KCND2: variants seen among roughly 807,000 people sequenced by gnomAD.
The protein encoded by KCND2 is potassium voltage-gated channel subfamily D member 2.
In KCND2, 16 loss-of-function variants were observed where a neutral mutation model predicts 54.4. The ratio of observed to expected loss-of-function variants is 0.29; its 90% CI spans 0.20 to 0.45. KCND2 has a LOEUF of 0.45. KCND2 is among the 20% of genes least tolerant of loss of function. The pLI is 1.00. For synonymous variants in KCND2, 317 were observed against 310.7 expected (o/e 1.02, Z -0.21); for missense variants, 486 against 824.2 (o/e 0.59, Z 5.02).
intron 1 of KCND2, among the ~76,000 whole-genome samples, chr7:120,397,298 C>T (rs1237163997): frequency 6.6e-6 from 1 of 151,978 alleles, no homozygotes; most frequent in Admixed American, 6.6e-5. Flanking sequence ...AATATTTCTA[C>T]AGTCCCTGGT....
chr7:120,696,728 C>T (rs1792337267), intron 1 of KCND2, among the ~76,000 whole-genome samples: 1 of 152,176 alleles, frequency 6.6e-6, no homozygotes, highest in South Asian at 2.1e-4. Flanking sequence ...CTCTCTTGCT[C>T]TTGCGTTTTC....
chr7:120,715,172 A>G (rs1404810201), intron 1 of KCND2, among the ~76,000 whole-genome samples: 2 of 151,930 alleles, frequency 1.3e-5, no homozygotes, highest in African/African-American at 4.8e-5. Context: ...TGCACATGGC[A>G]GGGATTTGGC....
At chr7:120,323,432 C>T (rs1383739326) in intron 1 of KCND2, among the ~76,000 whole-genome samples, 1 of 151,788 alleles carries the variant, frequency 6.6e-6, no homozygotes. Context: ...GTATCTCCCA[C>T]TGCTATCCCT....
intron 1 of KCND2, among the ~76,000 whole-genome samples, chr7:120,496,716 G>T (rs1462783034): frequency 6.6e-6 from 1 of 152,144 alleles, no homozygotes; most frequent in African/African-American, 2.4e-5. Flanking sequence ...GAGCCACCGT[G>T]CCCGGCCTTC....
chr7:120,543,151 A>G (rs947693965), intron 1 of KCND2, among the ~76,000 whole-genome samples: 2 of 152,002 alleles, frequency 1.3e-5, no homozygotes, highest in Non-Finnish European at 2.9e-5. Context: ...CTCAAAATAT[A>G]TATATATATA....
chr7:120,395,084 A>C (rs942423394), intron 1 of KCND2, among the ~76,000 whole-genome samples: 1 of 151,954 alleles, frequency 6.6e-6, no homozygotes, highest in Non-Finnish European at 1.5e-5. Flanking sequence ...ATATTTAGCC[A>C]TGAAGAAGTT....
chr7:120,511,535 A>AC (rs1803115223), intron 1 of KCND2, among the ~76,000 whole-genome samples: 1 of 152,124 alleles, frequency 6.6e-6, no homozygotes, highest in African/African-American at 2.4e-5. Flanking sequence ...TACATGCAAT[A>AC]ATTGTTTTTA....
At chr7:120,615,187 A>G (rs1476533165) in intron 1 of KCND2, among the ~76,000 whole-genome samples, 1 of 152,182 alleles carries the variant, frequency 6.6e-6, no homozygotes, top group African/African-American at 2.4e-5. Flanking sequence ...GCTTCAAGGA[A>G]ATGCTTGCTC....
intron 1 of KCND2, among the ~76,000 whole-genome samples, chr7:120,320,372 A>G (rs1049426391): frequency 1.3e-5 from 2 of 152,050 alleles, no homozygotes; most frequent in Non-Finnish European, 2.9e-5. Flanking sequence ...TGGAATGGGC[A>G]CCCAGGGACT....
At chr7:120,588,862 G>A (rs1046762442) in intron 1 of KCND2, among the ~76,000 whole-genome samples, 2 of 152,152 alleles carry the variant, frequency 1.3e-5, no homozygotes, top group African/African-American at 4.8e-5. Context: ...TTGTCCACCT[G>A]CCCATCTGAC....
intron 1 of KCND2, among the ~76,000 whole-genome samples, chr7:120,468,631 T>A (rs1210946291): frequency 1.3e-5 from 2 of 152,164 alleles, no homozygotes; most frequent in Non-Finnish European, 2.9e-5. Flanking sequence ...TAATGGATAT[T>A]TAAAAGGCCA....
chr7:120,554,710 G>T (rs936088502), intron 1 of KCND2, among the ~76,000 whole-genome samples: 2 of 152,116 alleles, frequency 1.3e-5, no homozygotes, highest in African/African-American at 4.8e-5. Flanking sequence ...GCCTGGCCGA[G>T]AATTTACATT....
intron 1 of KCND2, among the ~76,000 whole-genome samples, chr7:120,420,571 G>C (rs2116132767): frequency 6.6e-6 from 1 of 152,224 alleles, no homozygotes; most frequent in South Asian, 2.1e-4. Context: ...GTGCTTACTT[G>C]TCAAGAACAG....
chr7:120,464,781 C>T (rs956667807), intron 1 of KCND2, among the ~76,000 whole-genome samples: 1 of 152,146 alleles, frequency 6.6e-6, no homozygotes, highest in African/African-American at 2.4e-5. Flanking sequence ...CTTTCTGCTC[C>T]TGGAAGCCAC....
At chr7:120,351,512 G>A (rs1326829629) in intron 1 of KCND2, among the ~76,000 whole-genome samples, 1 of 150,970 alleles carries the variant, frequency 6.6e-6, no homozygotes, top group Non-Finnish European at 1.5e-5. Context: ...TGTGCACCAG[G>A]AAGAAGCATG....
intron 1 of KCND2, among the ~76,000 whole-genome samples, chr7:120,293,078 T>C (rs1799458756): frequency 6.6e-6 from 1 of 151,982 alleles, no homozygotes; most frequent in East Asian, 1.9e-4. Context: ...TGTTCTCTCC[T>C]TTCTTTATAC....
intron 1 of KCND2, among the ~76,000 whole-genome samples, chr7:120,359,569 T>C (rs1800563123): frequency 6.6e-6 from 1 of 152,160 alleles, no homozygotes; most frequent in African/African-American, 2.4e-5. Flanking sequence ...TATTCCCTTA[T>C]CTTTTCCGAA....
At chr7:120,663,693 A>T (rs1447177960) in intron 1 of KCND2, among the ~76,000 whole-genome samples, 1 of 152,170 alleles carries the variant, frequency 6.6e-6, no homozygotes, top group Non-Finnish European at 1.5e-5. Flanking sequence ...TGATTACATG[A>T]TTACTTTTCT....
intron 1 of KCND2, among the ~76,000 whole-genome samples, chr7:120,431,119 A>G (rs946312851): frequency 6.6e-6 from 1 of 152,182 alleles, no homozygotes; most frequent in East Asian, 1.9e-4. Context: ...ATAACTTTTG[A>G]TCTTCCTGAA....
Sources: gnomAD v4.1 joint callset for allele counts (sites outside exome capture counted in the v4.1 genomes callset) on GRCh38, gnomAD v4.1.1 for gene constraint, MANE v1.5 for transcripts, NCBI Gene and HGNC (gene_info 2026-07-23, HGNC 2026-07-21) for gene names.